DCLK2: variants seen among roughly 807,000 people sequenced by gnomAD.
DCLK2 encodes serine/threonine-protein kinase DCLK2.
In DCLK2, 31 loss-of-function variants were observed where a neutral mutation model predicts 78.4. That is an observed-to-expected ratio of 0.40 (90% CI 0.30 to 0.53). DCLK2 has a LOEUF of 0.53. DCLK2 is among the 20% of genes least tolerant of loss of function. DCLK2 has a pLI of 0.61. For missense variants in DCLK2, 872 were observed against 973.7 expected, an observed-to-expected ratio of 0.90 and a Z score of 1.39; for synonymous variants, 407 against 374.9, an observed-to-expected ratio of 1.09 and a Z score of -0.99.
chr4:150,161,936 T>C (rs1397030392), intron 2 of DCLK2, among the ~76,000 whole-genome samples: 1 of 152,230 alleles, frequency 6.6e-6, no homozygotes, highest in African/African-American at 2.4e-5. Flanking sequence ...GGCTTTGTAG[T>C]TCTTCCCAGG....
At chr4:150,086,019 C>A (rs1273849037) in intron 1 of DCLK2, among the ~76,000 whole-genome samples, 1 of 152,078 alleles carries the variant, frequency 6.6e-6, no homozygotes, top group Non-Finnish European at 1.5e-5. Flanking sequence ...GATGTAGTTA[C>A]CCAGATTTAG....
intron 1 of DCLK2, among the ~76,000 whole-genome samples, chr4:150,085,303 T>TA (rs1295080963): frequency 4.6e-5 from 7 of 152,124 alleles, no homozygotes; most frequent in African/African-American, 1.7e-4. Flanking sequence ...ACAGACTAGG[T>TA]AAGTTATAAA....
intron 2 of DCLK2, among the ~76,000 whole-genome samples, chr4:150,185,883 G>A (rs1204509976): frequency 6.6e-6 from 1 of 152,118 alleles, no homozygotes; most frequent in South Asian, 2.1e-4. Flanking sequence ...TGATTAATCT[G>A]TCTAGTGAAG....
intron 2 of DCLK2, among the ~76,000 whole-genome samples, chr4:150,172,844 C>CGG: frequency 6.6e-6 from 1 of 150,498 alleles, no homozygotes; most frequent in Non-Finnish European, 1.5e-5. Context: ...GTTCAATTAT[C>CGG]CATCTCTACC....
At chr4:150,188,069 G>A (rs572521020) in intron 2 of DCLK2, among the ~76,000 whole-genome samples, 124 of 152,212 alleles carry the variant, frequency 8.1e-4, no homozygotes, top group Non-Finnish European at 1.6e-3. Flanking sequence ...AAAGTGTTGG[G>A]ATTGCACGCG....
At chr4:150,082,485 G>A (rs185194826) in intron 1 of DCLK2, among the ~76,000 whole-genome samples, 8 of 152,250 alleles carry the variant, frequency 5.3e-5, no homozygotes, top group Middle Eastern at 3.4e-3. Context: ...GAGAGTCTCT[G>A]GAGACTAAAA....
chr4:150,243,195 T>C (rs1295289414), intron 12 of DCLK2, among the ~76,000 whole-genome samples: 1 of 152,170 alleles, frequency 6.6e-6, no homozygotes, highest in East Asian at 1.9e-4. Flanking sequence ...GGAGCAGCTT[T>C]TTTGTGGGGT....
chr4:150,113,811 T>A lies in DCLK2; in HGVS notation c.756+10999T>A, dbSNP rs1580526732. Among the ~76,000 whole-genome samples, 3 of 152,122 alleles carry A rather than the reference T, an allele frequency of 2.0e-5. No individual in the cohort carries two copies. In the South Asian group the frequency reaches 6.2e-4, roughly 32 times the overall value. On this transcript the variant is annotated intron_variant, in intron 2 of 15. Transcript: ENST00000296550. ...GCTAGCTTTTGGTTTAGTTCTTATT[T>A]CTCTAGTTCCTTGAGGTGTGACATT...
rs1728991998 is a variant in DCLK2 at position 150,078,653 on chromosome 4, C to T, written c.-375C>T. ...GGCAGACGCCCGAGCTTTGTGGGCG[C>T]CCGCGGGCCCAGCGCGAGCCTCGGG... On this transcript the variant is annotated 5_prime_UTR_variant, in exon 1 of 16. Coordinates refer to ENST00000296550, the MANE Select transcript of DCLK2 (RefSeq NM_001040260.4). 6.3e-6 allele frequency: 1 copy of T among 158,456 alleles called. No individual in the cohort carries two copies. Among genetic ancestry groups the T allele is most frequent in the South Asian group, 2.0e-4 (1 of 4,892 alleles). 9.8% of individuals were successfully genotyped at this position (158,456 alleles called of 1,614,324 possible).
At chr4:150,111,236 T>G (rs1731672546) in intron 2 of DCLK2, among the ~76,000 whole-genome samples, 2 of 152,142 alleles carry the variant, frequency 1.3e-5, no homozygotes, top group Admixed American at 1.3e-4. Flanking sequence ...CCCAGATGAT[T>G]AATGATGTGG....
intron 2 of DCLK2, among the ~76,000 whole-genome samples, chr4:150,139,359 G>A (rs940985250): frequency 6.6e-6 from 1 of 152,214 alleles, no homozygotes; most frequent in Non-Finnish European, 1.5e-5. Context: ...CCAGTGCTAA[G>A]TGTGATACAG....
intron 2 of DCLK2, among the ~76,000 whole-genome samples, chr4:150,183,681 G>A (rs1186257324): frequency 6.6e-6 from 1 of 151,824 alleles, no homozygotes; most frequent in East Asian, 1.9e-4. Context: ...TCTAGAGAGG[G>A]CTACCTGGAA....
intron 14 of DCLK2, 22 bp downstream of exon 14, chr4:150,248,407 G>C (rs776510391): frequency 1.9e-6 from 3 of 1,603,316 alleles, no homozygotes; most frequent in Non-Finnish European, 1.7e-6. Context: ...CATTCCCAGG[G>C]AATGGGCCTC....
chr4:150,234,846 T>G lies in DCLK2; in HGVS notation c.1566+2018T>G, dbSNP rs535257597. 2.0e-5 allele frequency among the ~76,000 whole-genome samples: 3 copies of G among 151,974 alleles called. No individual in the cohort carries two copies. The South Asian group carries it at 6.2e-4, about 31-fold the overall frequency. ...GTAAACCGAGCCTCAGGAGGAAAGTTAGGATATGGCGTTCTCTCCTCAAAA... is the reference window on the plus strand; with the variant it reads ...GTAAACCGAGCCTCAGGAGGAAAGTGAGGATATGGCGTTCTCTCCTCAAAA... On this transcript the variant is annotated intron_variant, in intron 10 of 15. Transcript: ENST00000296550.
At chr4:150,135,853 T>TTTCTTC (rs1393275201) in intron 2 of DCLK2, among the ~76,000 whole-genome samples, 1 of 152,166 alleles carries the variant, frequency 6.6e-6, no homozygotes, top group Non-Finnish European at 1.5e-5. Context: ...GGAAGAAAGC[T>TTTCTTC]CTATTAACCA....
chr4:150,153,094 T>TCTAA (rs1441636269), intron 2 of DCLK2, among the ~76,000 whole-genome samples: 5 of 152,178 alleles, frequency 3.3e-5, no homozygotes, highest in Non-Finnish European at 7.3e-5. Context: ...ATTTTATTGG[T>TCTAA]CTAAGCAAAG....
In DCLK2 at chr4:150,102,938, T is replaced by C. The variant is rs1730988118; in HGVS notation, c.756+126T>C. On this transcript the variant is annotated intron_variant, in intron 2 of 15. Coordinates refer to ENST00000296550, the MANE Select transcript of DCLK2 (RefSeq NM_001040260.4). ...TCCTTCTGGGAGTCATACTTGAGAT[T>C]GTGTGTGTGTGTGTATGTGTGTGTG... The C allele has an allele frequency of 1.2e-5, 7 of 604,386 alleles. No individual in the cohort carries two copies. The South Asian group carries it at 1.9e-4, about 17-fold the overall frequency. 37.4% of individuals were successfully genotyped at this position (604,386 alleles called of 1,614,324 possible).
chr4:150,174,083 T>C (rs1736758166), intron 2 of DCLK2, among the ~76,000 whole-genome samples: 1 of 152,112 alleles, frequency 6.6e-6, no homozygotes, highest in African/African-American at 2.4e-5. Context: ...ACCCAGGAAA[T>C]GAACTCCGGG....
At chr4:150,145,360 T>A (rs1734395922) in intron 2 of DCLK2, among the ~76,000 whole-genome samples, 1 of 152,164 alleles carries the variant, frequency 6.6e-6, no homozygotes, top group South Asian at 2.1e-4. Flanking sequence ...GGGCTGGTTT[T>A]TTAATCTTTC....
Sources: allele counts gnomAD v4.1 joint callset (sites outside exome capture counted in the v4.1 genomes callset), GRCh38; gene constraint gnomAD v4.1.1; transcripts MANE v1.5; gene names NCBI Gene and HGNC (gene_info 2026-07-23, HGNC 2026-07-21).